NUP62: variants seen among roughly 807,000 people sequenced by gnomAD.
NUP62 encodes nucleoporin 62, also known as nuclear pore glycoprotein p62.
For synonymous variants in NUP62, 305 were observed against 303.4 expected (o/e 1.01, Z -0.05); for missense variants, 647 against 689.4 (o/e 0.94, Z 0.69).
intron 1 of NUP62, 190 bp downstream of exon 1, chr19:49,929,136 C>A (rs567987474): frequency 6.6e-6 from 1 of 152,320 alleles, no homozygotes; most frequent in Non-Finnish European, 1.5e-5. Context: ...GGGCGGGGCG[C>A]GGAAGGATCC....
At chr19:49,916,908 G>A (rs1245813605) in intron 2 of NUP62, among the ~76,000 whole-genome samples, 2 of 152,216 alleles carry the variant, frequency 1.3e-5, no homozygotes, top group South Asian at 2.1e-4. Flanking sequence ...GCGGCTGAGC[G>A]AGACCCCGTC....
Position 49,909,194 on chromosome 19 carries a change from G to A in NUP62, c.614C>T (p.Pro205Leu), listed in dbSNP as rs2075397554. 6.2e-7 allele frequency: 1 copy of A among 1,613,776 alleles called. No homozygotes were observed. The highest frequency in any genetic ancestry group is 1.6e-4 in the Middle Eastern group (1 of 6,076). Residue 205 changes from proline (P) to leucine (L), a missense_variant, in exon 3 of 3, where the codon CCA becomes CTA. Coordinates refer to ENST00000352066, the MANE Select transcript of NUP62 (RefSeq NM_016553.5). Reference sequence around the variant, plus strand: ...GGTGGCTGTGGGTGTGGGAGCAGCTGGCTGTGTGGCACCTGCTGTGGTGGC... The same window carrying A: ...GGTGGCTGTGGGTGTGGGAGCAGCTAGCTGTGTGGCACCTGCTGTGGTGGC... ...PAATTAGATQPAAPTPTATIT... is the reference protein window; with the variant it reads ...PAATTAGATQLAAPTPTATIT...
At chr19:49,917,512 G>T (rs1421117211) in intron 2 of NUP62, 1 of 152,318 alleles carries the variant, frequency 6.6e-6, no homozygotes, top group Non-Finnish European at 1.5e-5. Context: ...CAAGGCAGAT[G>T]CTCAAGCGGT....
At chr19:49,916,010 C>T (rs2075614330) in intron 2 of NUP62, among the ~76,000 whole-genome samples, 1 of 152,254 alleles carries the variant, frequency 6.6e-6, no homozygotes, top group Non-Finnish European at 1.5e-5. Flanking sequence ...ACAGTAGGGA[C>T]TCAGTAACAA....
In NUP62 at chr19:49,907,528, T is replaced by C. The variant is rs1218013768; in HGVS notation, c.*711A>G. On this transcript the variant is annotated 3_prime_UTR_variant, in exon 3 of 3. Transcript: ENST00000352066. ...ACTCGAAAACTAGGCTGCTGTCTCC[T>C]GGGAGTTTCTTTTTTTTTTTTTTTT... The C allele has an allele frequency of 7.1e-6, 3 of 419,914 alleles. No individual in the cohort carries two copies. The highest frequency in any genetic ancestry group is 3.0e-5 in the Admixed American group (1 of 32,844). 26.0% of individuals were successfully genotyped at this position (419,914 alleles called of 1,614,324 possible).
chr19:49,920,695 A>G (rs1600545265), intron 2 of NUP62, among the ~76,000 whole-genome samples: 1 of 152,298 alleles, frequency 6.6e-6, no homozygotes, highest in East Asian at 1.9e-4. Flanking sequence ...GTGGCCGGTA[A>G]TGCTGGTTGA....
rs1272574148 is a variant in NUP62, at chr19:49,909,624, G to T, written c.184C>A (p.Leu62Ile). ...TSTPSTGLFS[L>I]ATQTPATQTT... is the part of the protein sequence containing the mutation. ...TGTGTGGCCGGAGTCTGGGTGGCAA[G>T]TGAGAACAGGCCGGTGGAAGGGGTA... Residue 62 changes from leucine (L) to isoleucine (I), a missense_variant, in exon 3 of 3, where the codon CTT (leucine) becomes ATT (isoleucine). Leu to Ile is a conservative substitution (Grantham distance 5). Coordinates refer to ENST00000352066, the MANE Select transcript of NUP62 (RefSeq NM_016553.5). 15 of 1,614,228 alleles carry T rather than the reference G, an allele frequency of 9.3e-6. No homozygotes were observed. Among genetic ancestry groups the T allele is most frequent in the Non-Finnish European group, 1.3e-5 (15 of 1,180,050 alleles).
At chr19:49,915,412 AG>A (rs1301701926) in intron 2 of NUP62, among the ~76,000 whole-genome samples, 1 of 152,224 alleles carries the variant, frequency 6.6e-6, no homozygotes, top group Non-Finnish European at 1.5e-5. Flanking sequence ...CCACAAGCCA[AG>A]GAACACAGGC....
chr19:49,909,186 G>C lies in NUP62; in HGVS notation c.622C>G (p.Pro208Ala), dbSNP rs768832419. ...CTGGTGATGGTGGCTGTGGGTGTGG[G>C]AGCAGCTGGCTGTGTGGCACCTGCT... ...TTAGATQPAA[P>A]TPTATITSTG... is the part of the protein sequence containing the mutation. Residue 208 changes from proline to alanine, a missense_variant, in exon 3 of 3, where the codon CCC becomes GCC. Pro to Ala is a conservative substitution (Grantham distance 27, BLOSUM62 -1). Transcript: ENST00000352066. The C allele has an allele frequency of 7.6e-5, 123 of 1,613,702 alleles. No homozygotes were observed. The highest frequency in any genetic ancestry group is 9.7e-5 in the Non-Finnish European group (114 of 1,179,876).
Position 49,907,690 on chromosome 19 carries a change from C to A in NUP62, c.*549G>T. ...TGAGATTGAGATCACAGGCGTCCAC[C>A]ACACCTGACTAATTTTTGTATTTTT... On this transcript the variant is annotated 3_prime_UTR_variant, in exon 3 of 3. Coordinates refer to ENST00000352066, the MANE Select transcript of NUP62 (RefSeq NM_016553.5). 1 of 352,800 alleles carries A rather than the reference C, an allele frequency of 2.8e-6. No homozygotes were observed. The highest frequency in any genetic ancestry group is 5.5e-6 in the Non-Finnish European group (1 of 183,136). The allele number at this position is 352,800 out of a possible 1,614,324, so 21.9% of individuals were successfully genotyped here.
At chr19:49,912,487 A>G (rs904888510) in intron 2 of NUP62, among the ~76,000 whole-genome samples, 6 of 152,074 alleles carry the variant, frequency 3.9e-5, no homozygotes, top group African/African-American at 1.4e-4. Flanking sequence ...ACCATTTATT[A>G]AGTGCCACAT....
At chr19:49,919,932 ATT>A (rs973204115) in intron 2 of NUP62, among the ~76,000 whole-genome samples, 3 of 149,862 alleles carry the variant, frequency 2.0e-5, no homozygotes, top group Non-Finnish European at 3.0e-5. Flanking sequence ...TTAAAAAAAA[ATT>A]TTTTTTTTTC....
Position 49,908,985 on chromosome 19 carries a change from CAGCGGT to C in NUP62, c.817_822del (p.Thr273_Ala274del). 6.2e-7 allele frequency: 1 copy of C among 1,609,246 alleles called. No homozygotes were observed. The highest frequency in any genetic ancestry group is 8.5e-7 in the Non-Finnish European group (1 of 1,177,164). On this transcript the variant is annotated inframe_deletion, in exon 3 of 3. Transcript: ENST00000352066. ...CTGGTGGTGGTGGCGGTGGCGGTGG[CAGCGGT>C]GGATGTTGTTGTGGAGGTGCCGGAA...
chr19:49,922,316 G>A (rs1357678649), intron 2 of NUP62, among the ~76,000 whole-genome samples: 1 of 152,138 alleles, frequency 6.6e-6, no homozygotes, highest in Non-Finnish European at 1.5e-5. Flanking sequence ...CCTCTGGCTG[G>A]GGGCATGGGG....
chr19:49,909,989 T>C (rs1600504489), intron 2 of NUP62, 105 bp from the exon 3 acceptor site: 4 of 701,014 alleles, frequency 5.7e-6, no homozygotes, highest in East Asian at 5.4e-5. Context: ...GGGATAATGA[T>C]GCATGCTGTG....
intron 2 of NUP62, among the ~76,000 whole-genome samples, chr19:49,912,375 G>A (rs952874354): frequency 4.6e-5 from 7 of 152,082 alleles, no homozygotes; most frequent in Non-Finnish European, 8.8e-5. Flanking sequence ...CTCCATGTTG[G>A]CCAGGCTGGT....
At chr19:49,922,962 G>A (rs888456500) in intron 2 of NUP62, among the ~76,000 whole-genome samples, 5 of 152,196 alleles carry the variant, frequency 3.3e-5, no homozygotes, top group Admixed American at 2.6e-4. Context: ...TTTTACTGAT[G>A]AGGTGACCAC....
intron 2 of NUP62, among the ~76,000 whole-genome samples, chr19:49,918,920 G>C (rs2075696531): frequency 6.6e-6 from 1 of 150,762 alleles, no homozygotes; most frequent in Admixed American, 6.6e-5. Context: ...GGGGTGTGGG[G>C]GGGCGGATCA....
chr19:49,928,935 TA>T (rs2075984322), intron 1 of NUP62: 1 of 152,470 alleles, frequency 6.6e-6, no homozygotes, highest in Non-Finnish European at 1.5e-5. Flanking sequence ...AACCAGAGCT[TA>T]GAGTCAGGAG....
Sources: gnomAD v4.1 joint callset for allele counts (sites outside exome capture counted in the v4.1 genomes callset) on GRCh38, gnomAD v4.1.1 for gene constraint, MANE v1.5 for transcripts, NCBI Gene and HGNC (gene_info 2026-07-23, HGNC 2026-07-21) for gene names.